The following LTBP2 variants were observed in gnomAD, a reference collection of about 807,000 sequenced individuals.
The protein encoded by LTBP2 is latent transforming growth factor beta binding protein 2.
A neutral mutation model predicts 210.6 loss-of-function variants in LTBP2; 103 were observed. The ratio of observed to expected loss-of-function variants is 0.49; its 90% CI spans 0.42 to 0.58. The LOEUF is 0.58. Among genes scored for constraint, LTBP2 ranks in the 20% least tolerant of loss-of-function variants. The probability of loss-of-function intolerance (pLI) is 0.00; values close to 1 mark genes in which losing one functional copy is unlikely to be tolerated. For synonymous variants in LTBP2, 1,007 were observed against 1,015.0 expected (o/e 0.99, Z 0.15); for missense variants, 2,313 against 2,494.5 (o/e 0.93, Z 1.55).
chr14:74,585,899 G>A lies in LTBP2; in HGVS notation c.785C>T (p.Pro262Leu), dbSNP rs143106228. The stretch of plus-strand genomic sequence containing the variant: ...TGCGGGCGGCGACTGTGGTGCTGGC[G>A]GCTGTGCTCTGGCCAAGGTGCCCTC... ...AGEGTLARAQ[P>L]PAPQSPPAPQ... Residue 262 changes from proline to leucine, a missense_variant, in exon 3 of 36, where the codon CCG becomes CTG. Physicochemically the swap from Pro to Leu is moderately conservative, Grantham distance 98 (BLOSUM62 -3). This residue lies in a region of LTBP2 where 1,867 missense variants were observed against 1,976.9 expected (regional missense o/e 0.94). Coordinates refer to ENST00000261978, the MANE Select transcript of LTBP2 (RefSeq NM_000428.3). The A allele has an allele frequency of 4.1e-4, 661 of 1,613,930 alleles. 4 individuals are homozygous for A. In the African/African-American group the frequency reaches 7.3e-3, roughly 18 times the overall value.
At position 74,530,704 on chromosome 14, in the gene LTBP2, A is replaced by G. The variant is rs149289630; in HGVS notation, c.1988-1582T>C. ...CTAATTTTTAATTTTTTGTAAAGAC[A>G]GGGTCTCACCATGTTGCCTAGGCTG... On this transcript the variant is annotated intron_variant, in intron 10 of 35. Transcript: ENST00000261978. 3.7e-3 allele frequency among the ~76,000 whole-genome samples: 570 copies of G among 152,304 alleles called. 4 individuals are homozygous for G. Among genetic ancestry groups the G allele is most frequent in the Admixed American group, 7.3e-3 (111 of 15,300 alleles).
chr14:74,503,384 C>T lies in LTBP2; in HGVS notation c.4723G>A (p.Asp1575Asn). The T allele has an allele frequency of 5.0e-6, 8 of 1,612,484 alleles. No homozygotes were observed. The highest frequency in any genetic ancestry group is 6.8e-6 in the Non-Finnish European group (8 of 1,179,774). ...ATGTGGATGTCGTGGTCAGGGAGGTCCTCTGGTGGCACAGGGCACGGAGGC... is the reference window on the plus strand; with the variant it reads ...ATGTGGATGTCGTGGTCAGGGAGGTTCTCTGGTGGCACAGGGCACGGAGGC... ...RCMNSTSSTE[D>N]LPDHDIHMDI... Residue 1575 changes from aspartate to asparagine, a missense_variant and splice_region_variant, in exon 33 of 36, where the codon GAC (aspartate) becomes AAC (asparagine). By Grantham distance (23) the Asp-to-Asn change is conservative. This residue lies in a region of LTBP2 where 443 missense variants were observed against 501.4 expected (regional missense o/e 0.88). Transcript: ENST00000261978.
chr14:74,512,591 G>A (rs1435368570), intron 18 of LTBP2, among the ~76,000 whole-genome samples: 2 of 152,192 alleles, frequency 1.3e-5, no homozygotes, highest in Non-Finnish European at 2.9e-5. Context: ...CAGAAGTCAG[G>A]ACACATCGAA....
At chr14:74,565,437 T>A (rs1383060529) in intron 3 of LTBP2, among the ~76,000 whole-genome samples, 2 of 152,158 alleles carry the variant, frequency 1.3e-5, no homozygotes, top group East Asian at 1.9e-4. Context: ...TTGGCTGTGG[T>A]CTAGGCTATC....
chr14:74,578,150 C>T (rs1157573645), intron 3 of LTBP2, among the ~76,000 whole-genome samples: 1 of 152,056 alleles, frequency 6.6e-6, no homozygotes, highest in South Asian at 2.1e-4. Flanking sequence ...TAGTGGCCAA[C>T]CTGCATCCTG....
chr14:74,505,522 T>C (rs1377032717), intron 28 of LTBP2, among the ~76,000 whole-genome samples: 1 of 152,278 alleles, frequency 6.6e-6, no homozygotes, highest in Admixed American at 6.5e-5. Context: ...GCATGCCATA[T>C]GGGCAGCCCT....
chr14:74,511,845 C>G (rs2087076234), intron 18 of LTBP2, among the ~76,000 whole-genome samples: 1 of 152,194 alleles, frequency 6.6e-6, no homozygotes, highest in South Asian at 2.1e-4. Context: ...CATGGAGGAA[C>G]CCCCAATCTT....
rs768578221 is a variant in LTBP2 at position 74,506,840 on chromosome 14, A to G, written c.3908-17T>C. 5.0e-6 allele frequency: 8 copies of G among 1,611,952 alleles called. No homozygotes were observed. In the East Asian group the frequency reaches 1.8e-4, roughly 36 times the overall value. On this transcript the variant is annotated splice_polypyrimidine_tract_variant and intron_variant, in intron 26 of 35. Coordinates refer to ENST00000261978, the MANE Select transcript of LTBP2 (RefSeq NM_000428.3). ...CGTCTATGTCTGTGGGACAGTGGGAACCAGGATAGAGGATGTGTGTGTGTG... is the reference window on the plus strand; with the variant it reads ...CGTCTATGTCTGTGGGACAGTGGGAGCCAGGATAGAGGATGTGTGTGTGTG...
At chr14:74,604,971 C>T (rs1038896335) in intron 1 of LTBP2, among the ~76,000 whole-genome samples, 2 of 152,192 alleles carry the variant, frequency 1.3e-5, no homozygotes, top group Non-Finnish European at 2.9e-5. Flanking sequence ...TAGACCAGGG[C>T]GTCTCCCTAG....
chr14:74,504,127 A>G, intron 30 of LTBP2, 73 bp from the exon 31 acceptor site: 8 of 1,579,368 alleles, frequency 5.1e-6, no homozygotes, highest in Non-Finnish European at 6.9e-6. Flanking sequence ...GGGAATCCAA[A>G]GCCAGGCTGG....
intron 34 of LTBP2, among the ~76,000 whole-genome samples, chr14:74,502,211 C>G (rs910292404): frequency 6.6e-6 from 1 of 152,094 alleles, no homozygotes; most frequent in Non-Finnish European, 1.5e-5. Flanking sequence ...GTGTTTGGAT[C>G]GCACCATTCA....
Position 74,508,943 on chromosome 14 carries a change from T to C in LTBP2, c.3413A>G (p.Glu1138Gly), listed in dbSNP as rs779968008. ...PLGDSCEDVDECEDPQSSCLG... is the reference protein window; with the variant it reads ...PLGDSCEDVDGCEDPQSSCLG... ...GCAGCTGCTCTGGGGGTCTTCACATTCATCCACATCTGCAGGGCCACACAG... is the reference window on the plus strand; with the variant it reads ...GCAGCTGCTCTGGGGGTCTTCACATCCATCCACATCTGCAGGGCCACACAG... The change falls in exon 23 of 36, where the codon GAA (glutamate) becomes GGA (glycine). Residue 1138 changes from glutamate (E) to glycine (G), a missense_variant. By Grantham distance (98) the Glu-to-Gly change is moderately conservative. Around this residue, in one of 3 missense-constraint regions of LTBP2, gnomAD observed 1,867 missense variants for 1,976.9 expected, o/e 0.94. Transcript: ENST00000261978. The C allele has an allele frequency of 3.1e-6, 5 of 1,613,426 alleles. No homozygotes were observed. In the African/African-American group the frequency reaches 5.3e-5, roughly 17 times the overall value.
At chr14:74,606,443 G>T (rs2088527740) in intron 1 of LTBP2, among the ~76,000 whole-genome samples, 1 of 152,230 alleles carries the variant, frequency 6.6e-6, no homozygotes. Flanking sequence ...TCACTTCGAT[G>T]CCTTTGCCTG....
chr14:74,603,062 A>G (rs1369719446), intron 2 of LTBP2, among the ~76,000 whole-genome samples: 1 of 152,224 alleles, frequency 6.6e-6, no homozygotes, highest in Non-Finnish European at 1.5e-5. Flanking sequence ...GGACAGCAGG[A>G]GGGAGTGCAG....
chr14:74,500,711 A>T lies in LTBP2; in HGVS notation c.*173T>A. ...TTGAGCCAAGCAAGGGCATGGAGGC[A>T]ATGACCGAAGCTTACAGCCAGAGGC... is the stretch of plus-strand genomic sequence containing the variant. On this transcript the variant is annotated 3_prime_UTR_variant, in exon 36 of 36. Coordinates refer to ENST00000261978, the MANE Select transcript of LTBP2 (RefSeq NM_000428.3). 1.2e-6 allele frequency: 1 copy of T among 828,336 alleles called. No homozygotes were observed. The highest frequency in any genetic ancestry group is 1.5e-5 in the South Asian group (1 of 64,824). The allele number at this position is 828,336 out of a possible 1,614,324, so 51.3% of individuals were successfully genotyped here.
chr14:74,540,869 A>ATATATATTATATATATT (rs2087495396), intron 8 of LTBP2, among the ~76,000 whole-genome samples: 4 of 71,412 alleles, frequency 5.6e-5, no homozygotes, highest in Non-Finnish European at 1.2e-4. Context: ...ATATATATTT[A>ATATATATTATATATATT]TATATATAAT....
At chr14:74,608,715 GA>G (rs5809673) in intron 1 of LTBP2, among the ~76,000 whole-genome samples, 13,843 of 116,232 alleles carry the variant, frequency 0.12, 1,074 homozygotes, top group African/African-American at 0.27. Flanking sequence ...TCAAAAAAAA[GA>G]AAAAAAAAAA....
chr14:74,504,985 G>C lies in LTBP2; in HGVS notation c.4367C>G (p.Ser1456Ter). ...DACDLCPSED[S>*]AEFSEICPSG... is the part of the protein sequence containing the mutation. Reference sequence around the variant, plus strand: ...ATCTGGAACCCTTGGGGTCTTACCTGAGTCCTCAGACGGGCAGAGGTCACA... The same window carrying C: ...ATCTGGAACCCTTGGGGTCTTACCTCAGTCCTCAGACGGGCAGAGGTCACA... Residue 1456 changes from serine to a stop codon, truncating the protein, a stop_gained and splice_region_variant, in exon 29 of 36, where the codon TCA (serine) becomes TGA (stop). Transcript: ENST00000261978. LOFTEE classifies it high-confidence loss of function. The C allele has an allele frequency of 6.2e-7, 1 of 1,614,214 alleles. No homozygotes were observed. Among genetic ancestry groups the C allele is most frequent in the East Asian group, 2.2e-5 (1 of 44,878 alleles).
chr14:74,581,600 G>C (rs1287161142), intron 3 of LTBP2, among the ~76,000 whole-genome samples: 1 of 152,110 alleles, frequency 6.6e-6, no homozygotes, highest in Non-Finnish European at 1.5e-5. Context: ...AGGAAATGGG[G>C]CCTCCGTCTT....
Sources: allele counts gnomAD v4.1 joint callset (sites outside exome capture counted in the v4.1 genomes callset), GRCh38; gene constraint gnomAD v4.1.1; regional missense constraint gnomAD v4.1.1; transcripts MANE v1.5; gene names NCBI Gene and HGNC (gene_info 2026-07-23, HGNC 2026-07-21).